Variants in GDPD4 observed in about 807,000 individuals in gnomAD.
GDPD4 encodes the protein glycerophosphodiester phosphodiesterase 6.
GDPD4 carries 60 observed loss-of-function variants against 67.8 expected under a neutral mutation model. That is an observed-to-expected ratio of 0.88 (90% CI 0.72 to 1.10). GDPD4 has a LOEUF of 1.10. Ranked by LOEUF, GDPD4 falls within the 50% of genes least tolerant of loss-of-function variation. The probability of loss-of-function intolerance (pLI) is 0.00; values close to 1 mark genes in which losing one functional copy is unlikely to be tolerated. For synonymous variants in GDPD4, 212 were observed against 210.9 expected, an observed-to-expected ratio of 1.00 and a Z score of -0.04; for missense variants, 623 against 613.9, an observed-to-expected ratio of 1.01 and a Z score of -0.16.
At chr11:77,253,506 G>A (rs1958946805) in intron 11 of GDPD4, among the ~76,000 whole-genome samples, 1 of 152,184 alleles carries the variant, frequency 6.6e-6, no homozygotes, top group South Asian at 2.1e-4. Flanking sequence ...ACTCTAGGGA[G>A]CTAGTCCAGC....
chr11:77,255,023 C>A (rs1205372373), intron 11 of GDPD4, among the ~76,000 whole-genome samples: 1 of 152,134 alleles, frequency 6.6e-6, no homozygotes, highest in Non-Finnish European at 1.5e-5. Context: ...GCTCCACGAT[C>A]AAACCTAAAG....
chr11:77,300,510 G>A (rs1368897281), intron 1 of GDPD4, among the ~76,000 whole-genome samples: 3 of 150,812 alleles, frequency 2.0e-5, no homozygotes, highest in African/African-American at 7.3e-5. Flanking sequence ...GCATAATCAT[G>A]GTAGGAGATT....
At chr11:77,233,390 G>T (rs1218932303) in intron 13 of GDPD4, among the ~76,000 whole-genome samples, 1 of 143,278 alleles carries the variant, frequency 7.0e-6, no homozygotes, top group Non-Finnish European at 1.5e-5. Flanking sequence ...ACAGTGGTGT[G>T]CTGGTAAACC....
At chr11:77,235,039 A>ATTTTTTTTTTTTTTTTTTTTTTTTTTT (rs1958533645) in intron 13 of GDPD4, among the ~76,000 whole-genome samples, 2 of 20,292 alleles carry the variant, frequency 9.9e-5, no homozygotes, top group Non-Finnish European at 2.5e-4. Context: ...TTTTTTTTTG[A>ATTTTTTTTTTTTTTTTTTTTTTTTTTT]CTTTTTAGTA....
chr11:77,221,373 C>T (rs114906335), intron 16 of GDPD4, among the ~76,000 whole-genome samples: 1,967 of 152,256 alleles, frequency 0.013, 44 homozygotes, highest in African/African-American at 0.045. Flanking sequence ...GCACCTAGTG[C>T]GATAAATTTC....
intron 10 of GDPD4, among the ~76,000 whole-genome samples, chr11:77,268,196 T>C (rs1252949849): frequency 6.6e-6 from 1 of 152,108 alleles, no homozygotes; most frequent in Non-Finnish European, 1.5e-5. Flanking sequence ...AAGCACGGTT[T>C]GCAATGGGGC....
intron 1 of GDPD4, among the ~76,000 whole-genome samples, chr11:77,291,806 G>A (rs538300868): frequency 5.0e-4 from 76 of 152,268 alleles, no homozygotes; most frequent in African/African-American, 1.7e-3. Context: ...CAAGGCAGGC[G>A]GATCAACTGA....
intron 1 of GDPD4, among the ~76,000 whole-genome samples, chr11:77,298,293 C>A (rs149634484): frequency 0.013 from 1,958 of 152,248 alleles, 14 homozygotes; most frequent in Middle Eastern, 0.017. Flanking sequence ...GGGCAGATCA[C>A]CTGAGGTCGG....
chr11:77,225,849 T>C (rs1958324895), intron 16 of GDPD4, among the ~76,000 whole-genome samples: 1 of 152,192 alleles, frequency 6.6e-6, no homozygotes, highest in Admixed American at 6.5e-5. Flanking sequence ...TCAACTTTAA[T>C]GGATCTGGGC....
chr11:77,231,588 TG>T (rs1958455581), intron 14 of GDPD4, among the ~76,000 whole-genome samples: 1 of 152,320 alleles, frequency 6.6e-6, no homozygotes, highest in Admixed American at 6.5e-5. Context: ...TTAAACTTTT[TG>T]ATTTTTGAAT....
intron 11 of GDPD4, among the ~76,000 whole-genome samples, chr11:77,253,154 G>C (rs1958938325): frequency 6.6e-6 from 1 of 152,212 alleles, no homozygotes; most frequent in African/African-American, 2.4e-5. Flanking sequence ...CAGGAAGTTA[G>C]GCTGTAGCTG....
chr11:77,298,098 G>GT (rs925796100), intron 1 of GDPD4, among the ~76,000 whole-genome samples: 6 of 147,854 alleles, frequency 4.1e-5, no homozygotes, highest in African/African-American at 7.6e-5. Context: ...TTGTTGTTTC[G>GT]TTTTTTTAAA....
At chr11:77,288,132 A>G (rs1032147561) in intron 1 of GDPD4, among the ~76,000 whole-genome samples, 6 of 152,058 alleles carry the variant, frequency 3.9e-5, no homozygotes, top group Admixed American at 2.0e-4. Flanking sequence ...CTACCCACAC[A>G]TGCCAGCTGG....
intron 3 of GDPD4, 57 bp from the exon 4 acceptor site, chr11:77,279,456 T>C (rs1488848173): frequency 1.5e-5 from 17 of 1,098,792 alleles, no homozygotes; most frequent in Non-Finnish European, 2.1e-5. Flanking sequence ...AGCATCTGTG[T>C]CAAGGATGGG....
chr11:77,231,939 T>G (rs1958463858), intron 14 of GDPD4, among the ~76,000 whole-genome samples: 1 of 152,180 alleles, frequency 6.6e-6, no homozygotes, highest in African/African-American at 2.4e-5. Flanking sequence ...CAGCGATTTC[T>G]CCTGTCTACC....
At chr11:77,293,311 G>A (rs1331821451) in intron 1 of GDPD4, among the ~76,000 whole-genome samples, 1 of 152,130 alleles carries the variant, frequency 6.6e-6, no homozygotes, top group African/African-American at 2.4e-5. Context: ...AATCAACTTG[G>A]GGCCAGGCAT....
In GDPD4 at chr11:77,271,399, G is replaced by C. The variant is rs775741890; in HGVS notation, c.208-6C>G. The C allele has an allele frequency of 2.5e-6, 4 of 1,584,734 alleles. No individual in the cohort carries two copies. The highest frequency in any genetic ancestry group is 3.5e-6 in the Non-Finnish European group (4 of 1,154,624). On this transcript the variant is annotated splice_polypyrimidine_tract_variant and splice_region_variant and intron_variant, in intron 5 of 16. Transcript: ENST00000315938. ...ATCACTAGCAGAATCAGGATCTAGGGAAACAGAAAAAAAATCTCCTGACTT... is the reference window on the plus strand; with the variant it reads ...ATCACTAGCAGAATCAGGATCTAGGCAAACAGAAAAAAAATCTCCTGACTT...
chr11:77,283,943 C>A lies in GDPD4; in HGVS notation c.53+1142G>T, dbSNP rs1959874744. ...CGATCTCGGCTCACTGCAACCTCTG[C>A]CTCCCAGGCCCAAGGGATCCTCCCA... is the stretch of plus-strand genomic sequence containing the variant. On this transcript the variant is annotated intron_variant, in intron 3 of 16. Coordinates refer to ENST00000315938, the MANE Select transcript of GDPD4 (RefSeq NM_182833.3). Among the ~76,000 whole-genome samples, 4 of 150,346 alleles carry A rather than the reference C, an allele frequency of 2.7e-5. No homozygotes were observed. In the South Asian group the frequency reaches 6.3e-4, roughly 24 times the overall value.
intron 14 of GDPD4, among the ~76,000 whole-genome samples, chr11:77,231,631 G>GA (rs1020715730): frequency 1.3e-5 from 2 of 152,032 alleles, no homozygotes; most frequent in African/African-American, 4.8e-5. Context: ...ATATTAAAAT[G>GA]AAAAAAACGC....
Sources: allele counts gnomAD v4.1 joint callset (sites outside exome capture counted in the v4.1 genomes callset), GRCh38; gene constraint gnomAD v4.1.1; transcripts MANE v1.5; gene names NCBI Gene and HGNC (gene_info 2026-07-23, HGNC 2026-07-21).